AMBRA1: variants seen among roughly 807,000 people sequenced by gnomAD.
The protein encoded by AMBRA1 is autophagy and beclin 1 regulator 1.
In AMBRA1, 47 loss-of-function variants were observed where a neutral mutation model predicts 125.4. That is an observed-to-expected ratio of 0.37 (90% confidence interval 0.30 to 0.48). The LOEUF (loss-of-function observed/expected upper bound fraction) is 0.48. Among genes scored for constraint, AMBRA1 ranks in the 20% least tolerant of loss-of-function variants. AMBRA1 has a pLI of 0.99. For missense variants in AMBRA1, 1,331 were observed against 1,693.4 expected (o/e 0.79, Z 3.76); for synonymous variants, 626 against 655.5 (o/e 0.95, Z 0.69).
intron 1 of AMBRA1, among the ~76,000 whole-genome samples, chr11:46,561,164 TGAGGTCAG>T (rs2043324249): frequency 6.6e-6 from 1 of 152,088 alleles, no homozygotes. Context: ...GTGGATCACC[TGAGGTCAG>T]GAGTTCGAGA....
At chr11:46,526,136 C>T (rs1951959959) in intron 7 of AMBRA1, among the ~76,000 whole-genome samples, 2 of 152,090 alleles carry the variant, frequency 1.3e-5, no homozygotes, top group Middle Eastern at 3.4e-3. Flanking sequence ...ACCTGGGAGG[C>T]AGAGGTTGTG....
intron 11 of AMBRA1, among the ~76,000 whole-genome samples, chr11:46,480,713 G>A (rs368975252): frequency 6.6e-6 from 1 of 152,136 alleles, no homozygotes; most frequent in African/African-American, 2.4e-5. Context: ...CCAGAGAGAG[G>A]CTCTTTGCTC....
chr11:46,463,417 G>T (rs1250156820), intron 11 of AMBRA1, among the ~76,000 whole-genome samples: 1 of 152,180 alleles, frequency 6.6e-6, no homozygotes, highest in African/African-American at 2.4e-5. Flanking sequence ...AAGGTATGCA[G>T]TAACTCCATA....
intron 9 of AMBRA1, among the ~76,000 whole-genome samples, chr11:46,500,776 A>C (rs1202877912): frequency 2.0e-5 from 3 of 152,136 alleles, no homozygotes; most frequent in Non-Finnish European, 4.4e-5. Flanking sequence ...CCTCTCTCAC[A>C]GTTCTATGCA....
intron 11 of AMBRA1, among the ~76,000 whole-genome samples, chr11:46,458,834 T>C (rs1214415437): frequency 6.6e-6 from 1 of 152,194 alleles, no homozygotes; most frequent in Admixed American, 6.5e-5. Flanking sequence ...ACACAAGGAA[T>C]GTCACCATTG....
rs369150751 is a variant in AMBRA1 at position 46,574,366 on chromosome 11, T to C, written c.-121+19462A>G. Among the ~76,000 whole-genome samples the C allele has an allele frequency of 3.3e-5, 5 of 151,014 alleles. No homozygotes were observed. In the East Asian group the frequency reaches 9.6e-4, roughly 29 times the overall value. ...TTTTAATGATTGCCATTCTAACTGGTGTGAGATGGTATCTCATTGTGGTTT... is the reference window on the plus strand; with the variant it reads ...TTTTAATGATTGCCATTCTAACTGGCGTGAGATGGTATCTCATTGTGGTTT... On this transcript the variant is annotated intron_variant, in intron 1 of 17. Transcript: ENST00000683756.
At chr11:46,587,056 T>C (rs1382935019) in intron 1 of AMBRA1, among the ~76,000 whole-genome samples, 1 of 152,118 alleles carries the variant, frequency 6.6e-6, no homozygotes, top group Non-Finnish European at 1.5e-5. Flanking sequence ...AATCATGAAA[T>C]ATAAAATTTG....
At chr11:46,472,030 T>C (rs1335363940) in intron 11 of AMBRA1, among the ~76,000 whole-genome samples, 2 of 152,212 alleles carry the variant, frequency 1.3e-5, no homozygotes, top group African/African-American at 4.8e-5. Context: ...CGTTATGTTC[T>C]TGGAAAAGCT....
chr11:46,516,951 A>AAATAC (rs1442897165), intron 7 of AMBRA1, among the ~76,000 whole-genome samples: 5 of 152,098 alleles, frequency 3.3e-5, no homozygotes. Flanking sequence ...AAGAAAAAAA[A>AAATAC]AATACAAAAA....
chr11:46,538,227 C>T (rs999527575), intron 7 of AMBRA1, among the ~76,000 whole-genome samples: 1 of 152,124 alleles, frequency 6.6e-6, no homozygotes, highest in Non-Finnish European at 1.5e-5. Context: ...TTATGGTATA[C>T]GACATCCTAG....
Position 46,502,398 on chromosome 11 carries a change from C to T in AMBRA1, c.2339+5793G>A, listed in dbSNP as rs149147339. 9.8e-5 allele frequency among the ~76,000 whole-genome samples: 15 copies of T among 152,298 alleles called. No homozygotes were observed. The East Asian group carries it at 2.9e-3, about 29-fold the overall frequency. On this transcript the variant is annotated intron_variant, in intron 9 of 17. Transcript: ENST00000683756. The stretch of plus-strand genomic sequence containing the variant: ...TCTCTTGCACTCCTAATATTAGAGT[C>T]TGTGGCTCATAAGACAAAGGAAAAG...
intron 1 of AMBRA1, among the ~76,000 whole-genome samples, chr11:46,593,147 T>C (rs2044667914): frequency 6.6e-6 from 1 of 152,194 alleles, no homozygotes; most frequent in Non-Finnish European, 1.5e-5. Context: ...TGTGACAGGA[T>C]CTATATTCCT....
intron 9 of AMBRA1, among the ~76,000 whole-genome samples, chr11:46,507,949 G>A (rs952483744): frequency 6.6e-6 from 1 of 152,198 alleles, no homozygotes; most frequent in Admixed American, 6.5e-5. Context: ...CTCGCAATCT[G>A]GCCTGGGGCC....
At chr11:46,535,406 A>C (rs1952423095) in intron 7 of AMBRA1, among the ~76,000 whole-genome samples, 1 of 152,172 alleles carries the variant, frequency 6.6e-6, no homozygotes, top group Non-Finnish European at 1.5e-5. Flanking sequence ...AACAAGGTTC[A>C]CTCTCATGAT....
In AMBRA1 at chr11:46,583,398, C is replaced by T. The variant is rs1032323544; in HGVS notation, c.-121+10430G>A. ...CGTTAGACCTAAAACCATAAAAACG[C>T]TAGAAGAAAACCTAGGCATTACCAT... On this transcript the variant is annotated intron_variant, in intron 1 of 17. Transcript: ENST00000683756. Among the ~76,000 whole-genome samples the T allele has an allele frequency of 1.6e-3, 237 of 151,788 alleles. 1 individual carries two copies. The highest frequency in any genetic ancestry group is 1.7e-3 in the Non-Finnish European group (115 of 67,928).
intron 14 of AMBRA1, among the ~76,000 whole-genome samples, chr11:46,424,187 A>G (rs574221261): frequency 6.6e-6 from 1 of 152,242 alleles, no homozygotes; most frequent in East Asian, 1.9e-4. Context: ...AAATCCCTAG[A>G]TTGCACATAT....
intron 1 of AMBRA1, among the ~76,000 whole-genome samples, chr11:46,552,558 G>A (rs551638373): frequency 1.1e-4 from 16 of 150,370 alleles, no homozygotes; most frequent in Non-Finnish European, 1.8e-4. Flanking sequence ...GATGGTACGC[G>A]CCTGTAATCC....
At chr11:46,547,923 C>A in intron 2 of AMBRA1, 48 bp from the exon 3 acceptor site, 1 of 1,559,250 alleles carries the variant, frequency 6.4e-7, no homozygotes. Flanking sequence ...ATTTGTAGAC[C>A]ATGGTTCACC....
At chr11:46,585,697 T>TAC (rs1463785843) in intron 1 of AMBRA1, among the ~76,000 whole-genome samples, 1 of 19,608 alleles carries the variant, frequency 5.1e-5, no homozygotes, top group African/African-American at 1.9e-4. Context: ...AAAAAAAAAA[T>TAC]ATATATATAT....
Sources: gnomAD v4.1 joint callset for allele counts (sites outside exome capture counted in the v4.1 genomes callset) on GRCh38, gnomAD v4.1.1 for gene constraint, MANE v1.5 for transcripts, NCBI Gene and HGNC (gene_info 2026-07-23, HGNC 2026-07-21) for gene names.